NR2F6: variants seen among roughly 807,000 people sequenced by gnomAD.
NR2F6 encodes nuclear receptor subfamily 2 group F member 6, also known as ERBA-related gene-2.
Under a neutral mutation model 26.5 loss-of-function variants are expected in NR2F6, and 16 were observed. The ratio of observed to expected loss-of-function variants is 0.60; its 90% CI spans 0.41 to 0.92. The LOEUF is 0.92. Ranked by LOEUF, NR2F6 falls within the 40% of genes least tolerant of loss-of-function variation. The pLI is 0.00. For synonymous variants in NR2F6, 325 were observed against 305.0 expected (o/e 1.07, Z -0.68); for missense variants, 536 against 631.7 (o/e 0.85, Z 1.62).
At chr19:17,240,621 C>CG (rs765485282) in intron 2 of NR2F6, 50 bp downstream of exon 2, 2 of 1,584,644 alleles carry the variant, frequency 1.3e-6, no homozygotes, top group Admixed American at 3.3e-5. Flanking sequence ...TTGTTCACCC[C>CG]GGCTCCAGCG....
chr19:17,239,134 C>G (rs575749713), intron 2 of NR2F6, among the ~76,000 whole-genome samples: 3 of 151,794 alleles, frequency 2.0e-5, no homozygotes, highest in Non-Finnish European at 4.4e-5. Flanking sequence ...ATCAGGAGAT[C>G]GAGACCATCC....
intron 2 of NR2F6, among the ~76,000 whole-genome samples, chr19:17,239,730 A>G (rs74586926): frequency 6.6e-6 from 1 of 152,100 alleles, no homozygotes; most frequent in East Asian, 1.9e-4. Flanking sequence ...GAGGCAGGAC[A>G]ATCACTTGAA....
In NR2F6 at chr19:17,235,951, C is replaced by A. The variant is rs979257478; in HGVS notation, c.488G>T (p.Gly163Val). 6.8e-7 allele frequency: 1 copy of A among 1,480,556 alleles called. No homozygotes were observed. The highest frequency in any genetic ancestry group is 8.9e-7 in the Non-Finnish European group (1 of 1,122,330). The allele number at this position is 1,480,556 out of a possible 1,614,324, so 91.7% of individuals were successfully genotyped here. A position where few individuals can be genotyped will look rare whatever the true frequency, so the allele number is the denominator to read the frequency against. ...CGCGATCAGTTCGGACACCGGCTGC[C>A]CCGGGAAGAGGTCTCCGCCGCTCGC... Reference protein sequence around the residue: ...AVASGGDLFPGQPVSELIAQL... With the variant: ...AVASGGDLFPVQPVSELIAQL... The change falls in exon 3 of 4, where the codon GGG becomes GTG. Residue 163 changes from glycine to valine, a missense_variant. By Grantham distance (109) the Gly-to-Val change is moderately radical (BLOSUM62 -3). Coordinates refer to ENST00000291442, the MANE Select transcript of NR2F6 (RefSeq NM_005234.4). The surrounding 1 kb of genome is among the most constrained non-coding windows in gnomAD (Gnocchi z 5.0).
chr19:17,242,698 G>A (rs1253519163), intron 1 of NR2F6, among the ~76,000 whole-genome samples: 6 of 152,164 alleles, frequency 3.9e-5, no homozygotes, highest in Admixed American at 6.5e-5. Flanking sequence ...CAGGGCAGCC[G>A]GGTGGAAACG....
rs757103571 is a variant in NR2F6, at chr19:17,240,763, G to A, written c.281C>T (p.Ser94Phe). 1 of 1,613,890 alleles carries A rather than the reference G, an allele frequency of 6.2e-7. No individual in the cohort carries two copies. Among genetic ancestry groups the A allele is most frequent in the South Asian group, 1.1e-5 (1 of 91,078 alleles). ...IRRNLSYTCR[S>F]NRDCQIDQHH... ...CTGGTCGATCTGGCAGTCACGGTTG[G>A]ACCTGGGGGCACACAGAAGCCAGGG... Residue 94 changes from serine (S) to phenylalanine (F), a missense_variant and splice_region_variant, in exon 2 of 4, where the codon TCC becomes TTC. Ser to Phe is a radical substitution (Grantham distance 155). Coordinates refer to ENST00000291442, the MANE Select transcript of NR2F6 (RefSeq NM_005234.4).
At chr19:17,237,530 G>A (rs1289768015) in intron 2 of NR2F6, among the ~76,000 whole-genome samples, 1 of 152,074 alleles carries the variant, frequency 6.6e-6, no homozygotes, top group Admixed American at 6.6e-5. Context: ...TCCTGCCTCA[G>A]CCTCCCGAGT....
chr19:17,232,144 AGGCT>A lies in NR2F6; in HGVS notation c.*204_*207del. On this transcript the variant is annotated 3_prime_UTR_variant, in exon 4 of 4. Coordinates refer to ENST00000291442, the MANE Select transcript of NR2F6 (RefSeq NM_005234.4). ...CTGGACAGGGGTCCTGGGGAGGATG[AGGCT>A]GAGGCCTGGATGATCAGTCTCTTTT... is the stretch of plus-strand genomic sequence containing the variant. The A allele has an allele frequency of 1.4e-6, 1 of 700,474 alleles. No individual in the cohort carries two copies. The highest frequency in any genetic ancestry group is 2.0e-5 in the South Asian group (1 of 50,840). 43.4% of individuals were successfully genotyped at this position (700,474 alleles called of 1,614,324 possible). A position where few individuals can be genotyped will look rare whatever the true frequency, so the allele number is the denominator to read the frequency against.
chr19:17,241,805 GGTCA>G (rs958292776), intron 1 of NR2F6, among the ~76,000 whole-genome samples: 2 of 152,056 alleles, frequency 1.3e-5, no homozygotes, highest in Admixed American at 1.3e-4. Context: ...GATCACCTGA[GGTCA>G]GTTCAAGACC....
In NR2F6 at chr19:17,232,197, C is replaced by T. The variant is rs1407263925; in HGVS notation, c.*155G>A. 1 of 1,089,698 alleles carries T rather than the reference C, an allele frequency of 9.2e-7. No homozygotes were observed. Among genetic ancestry groups the T allele is most frequent in the Non-Finnish European group, 1.3e-6 (1 of 779,958 alleles). 67.5% of individuals were successfully genotyped at this position (1,089,698 alleles called of 1,614,324 possible). A position where few individuals can be genotyped will look rare whatever the true frequency, so the allele number is the denominator to read the frequency against. Reference sequence around the variant, plus strand: ...TTTGGTTTCATGATCATTTAAAAAACAGAAAAGACAAACATTTCACAGTCT... The same window carrying T: ...TTTGGTTTCATGATCATTTAAAAAATAGAAAAGACAAACATTTCACAGTCT... On this transcript the variant is annotated 3_prime_UTR_variant, in exon 4 of 4. Coordinates refer to ENST00000291442, the MANE Select transcript of NR2F6 (RefSeq NM_005234.4).
In NR2F6 at chr19:17,235,504, G is replaced by A. The variant is rs1168982486; in HGVS notation, c.935C>T (p.Thr312Met). The A allele has an allele frequency of 4.4e-6, 7 of 1,587,374 alleles. No individual in the cohort carries two copies. The highest frequency in any genetic ancestry group is 2.3e-5 in the East Asian group (1 of 43,956). Residue 312 changes from threonine to methionine, a missense_variant, in exon 3 of 4, where the codon ACG becomes ATG. Physicochemically the swap from Thr to Met is moderately conservative, Grantham distance 81. Transcript: ENST00000291442. The surrounding 1 kb of genome is among the most constrained non-coding windows in gnomAD (Gnocchi z 5.0). Reference sequence around the variant, plus strand: ...CTCTTCGGAGCGTGGCTCACCGGGCGTGAAGAGCGCGATGGCCTTGAGGCA... The same window carrying A: ...CTCTTCGGAGCGTGGCTCACCGGGCATGAAGAGCGCGATGGCCTTGAGGCA... ...YGCLKAIALF[T>M]PDACGLSDPA...
Sources: gnomAD v4.1 joint callset for allele counts (sites outside exome capture counted in the v4.1 genomes callset) on GRCh38, gnomAD v4.1.1 for gene constraint, Gnocchi (gnomAD v3.1) non-coding constraint, MANE v1.5 for transcripts, NCBI Gene and HGNC (gene_info 2026-07-23, HGNC 2026-07-21) for gene names.